Variants in KCNH5 observed in about 807,000 individuals in gnomAD.
The protein encoded by KCNH5 is potassium voltage-gated channel subfamily H member 5.
Under a neutral mutation model 96.1 loss-of-function variants are expected in KCNH5, and 46 were observed. The observed-to-expected ratio is 0.48, with a 90% confidence interval of 0.38 to 0.61. The LOEUF (loss-of-function observed/expected upper bound fraction) is 0.61, where lower values mean the gene tolerates loss of function less well. Among genes scored for constraint, KCNH5 ranks in the 20% least tolerant of loss-of-function variants. The pLI is 0.00. For synonymous variants in KCNH5, 439 were observed against 449.8 expected (o/e 0.98, Z 0.30); for missense variants, 907 against 1,225.8 (o/e 0.74, Z 3.88).
chr14:62,998,427 C>T (rs138394619), intron 4 of KCNH5, among the ~76,000 whole-genome samples: 1 of 152,162 alleles, frequency 6.6e-6, no homozygotes, highest in Non-Finnish European at 1.5e-5. Flanking sequence ...GTGATTTTCT[C>T]TAATGTTGTC....
chr14:62,927,105 C>T (rs577127016), intron 7 of KCNH5, among the ~76,000 whole-genome samples: 1 of 152,214 alleles, frequency 6.6e-6, no homozygotes, highest in South Asian at 2.1e-4. Context: ...GACCCTTCTT[C>T]AAAGAACATA....
intron 8 of KCNH5, among the ~76,000 whole-genome samples, chr14:62,838,755 G>A (rs933408017): frequency 2.0e-5 from 3 of 152,056 alleles, no homozygotes; most frequent in Admixed American, 1.3e-4. Context: ...TCTAAGCCAC[G>A]TCATTTAACC....
chr14:63,044,913 G>A (rs1247523827), intron 1 of KCNH5, among the ~76,000 whole-genome samples: 10 of 152,136 alleles, frequency 6.6e-5, no homozygotes, highest in Non-Finnish European at 1.0e-4. Flanking sequence ...TGTCTGGTAG[G>A]AAGGGGATGC....
chr14:62,936,220 A>C (rs1054403264), intron 7 of KCNH5, among the ~76,000 whole-genome samples: 13 of 152,302 alleles, frequency 8.5e-5, no homozygotes, highest in Admixed American at 2.6e-4. Flanking sequence ...AAAGCTTTAA[A>C]AGGGAAGAAT....
At position 62,703,826 on chromosome 14, in the gene KCNH5, A is replaced by T. The variant is rs956510001; in HGVS notation, c.*3682T>A. On this transcript the variant is annotated 3_prime_UTR_variant, in exon 11 of 11. Transcript: ENST00000322893. ...ACCTACATGGAATTTTGGAAAACAAACTCATAGAAAATTGCTTAAAAGATA... is the reference window on the plus strand; with the variant it reads ...ACCTACATGGAATTTTGGAAAACAATCTCATAGAAAATTGCTTAAAAGATA... The T allele has an allele frequency of 6.6e-6, 1 of 151,890 alleles. No homozygotes were observed. Among genetic ancestry groups the T allele is most frequent in the Admixed American group, 6.6e-5 (1 of 15,250 alleles). 9.4% of individuals were successfully genotyped at this position (151,890 alleles called of 1,614,324 possible).
chr14:62,763,360 C>A (rs1220883301), intron 10 of KCNH5, among the ~76,000 whole-genome samples: 1 of 151,752 alleles, frequency 6.6e-6, no homozygotes, highest in East Asian at 1.9e-4. Context: ...AAAAAAGAGA[C>A]AATATACCCG....
At chr14:62,913,545 G>C (rs946063584) in intron 7 of KCNH5, among the ~76,000 whole-genome samples, 1 of 152,072 alleles carries the variant, frequency 6.6e-6, no homozygotes, top group African/African-American at 2.4e-5. Context: ...TATATTTAGA[G>C]GTCAGTGAAC....
intron 10 of KCNH5, among the ~76,000 whole-genome samples, chr14:62,766,872 A>G (rs1241831991): frequency 1.3e-5 from 2 of 152,174 alleles, no homozygotes; most frequent in African/African-American, 4.8e-5. Flanking sequence ...ACTTGAGGGG[A>G]TGGATACCCC....
intron 6 of KCNH5, among the ~76,000 whole-genome samples, chr14:62,959,929 A>G (rs1391067392): frequency 6.6e-6 from 1 of 152,136 alleles, no homozygotes; most frequent in Non-Finnish European, 1.5e-5. Flanking sequence ...TGAACACTGC[A>G]TAAGAGTTAC....
chr14:62,922,233 T>C (rs1595685788), intron 7 of KCNH5, among the ~76,000 whole-genome samples: 1 of 152,190 alleles, frequency 6.6e-6, no homozygotes, highest in East Asian at 1.9e-4. Flanking sequence ...TTTATATCTA[T>C]ATCTATAGCT....
chr14:62,960,185 C>T (rs1016651069), intron 6 of KCNH5, among the ~76,000 whole-genome samples: 3 of 152,126 alleles, frequency 2.0e-5, no homozygotes, highest in African/African-American at 7.2e-5. Context: ...ATTCCTCAGC[C>T]TAGTTGGCTC....
At chr14:62,865,335 A>T (rs1419453765) in intron 7 of KCNH5, among the ~76,000 whole-genome samples, 7 of 31,104 alleles carry the variant, frequency 2.3e-4, no homozygotes, top group African/African-American at 6.9e-4. Flanking sequence ...ATGCTATTTA[A>T]AAAAAAAAAA....
At chr14:62,794,149 T>C (rs1237477063) in intron 9 of KCNH5, among the ~76,000 whole-genome samples, 1 of 151,980 alleles carries the variant, frequency 6.6e-6, no homozygotes, top group Admixed American at 6.6e-5. Flanking sequence ...TAGTAGCTGA[T>C]TTAGCCAATT....
At chr14:62,837,134 T>G (rs1049441546) in intron 8 of KCNH5, among the ~76,000 whole-genome samples, 1 of 152,178 alleles carries the variant, frequency 6.6e-6, no homozygotes, top group Admixed American at 6.6e-5. Flanking sequence ...CCTCTGACTC[T>G]TGGTCTGCAC....
rs1887016166 is a variant in KCNH5, at chr14:62,817,663, G to A, written c.1570-15082C>T. ...TGTTTCTTACACATTATTTATGCAT[G>A]CATTACTGCCATGGAAAATTCTAGG... On this transcript the variant is annotated intron_variant, in intron 8 of 10. Transcript: ENST00000322893. Among the ~76,000 whole-genome samples the A allele has an allele frequency of 5.4e-5, 8 of 148,156 alleles. No individual in the cohort carries two copies. The South Asian group carries it at 1.7e-3, about 32-fold the overall frequency.
chr14:62,791,664 T>G (rs1463832234), intron 9 of KCNH5, among the ~76,000 whole-genome samples: 1 of 151,674 alleles, frequency 6.6e-6, no homozygotes, highest in African/African-American at 2.4e-5. Context: ...TCAAAAACTG[T>G]CACAAGAGAC....
chr14:62,804,750 T>C (rs1886731099), intron 8 of KCNH5, among the ~76,000 whole-genome samples: 2 of 152,190 alleles, frequency 1.3e-5, no homozygotes, highest in Admixed American at 1.3e-4. Flanking sequence ...AGTGCTTATA[T>C]CTTAGGCTTA....
intron 8 of KCNH5, among the ~76,000 whole-genome samples, chr14:62,818,739 T>C (rs1375029333): frequency 1.3e-5 from 2 of 152,148 alleles, no homozygotes; most frequent in African/African-American, 4.8e-5. Context: ...TTTTTGTTAA[T>C]AACAGCCAAA....
At position 62,914,417 on chromosome 14, in the gene KCNH5, T is replaced by C. The variant is rs190903464; in HGVS notation, c.1369+35716A>G. Among the ~76,000 whole-genome samples the C allele has an allele frequency of 3.3e-5, 5 of 152,246 alleles. No homozygotes were observed. The East Asian group carries it at 5.8e-4, about 18-fold the overall frequency. ...AATAAAACTGTACTCAGAGAGACAG[T>C]TGGAAACAGATACTTAAAATAATGA... On this transcript the variant is annotated intron_variant, in intron 7 of 10. Transcript: ENST00000322893.
Sources: allele counts gnomAD v4.1 joint callset (sites outside exome capture counted in the v4.1 genomes callset), GRCh38; gene constraint gnomAD v4.1.1; transcripts MANE v1.5; gene names NCBI Gene and HGNC (gene_info 2026-07-23, HGNC 2026-07-21).